Variants in COL11A1 observed in about 807,000 individuals in gnomAD.
The protein encoded by COL11A1 is collagen alpha-1(XI) chain.
In COL11A1, 74 loss-of-function variants were observed where a neutral mutation model predicts 265.2. That is an observed-to-expected ratio of 0.28 (90% CI 0.23 to 0.34). The LOEUF (loss-of-function observed/expected upper bound fraction) is 0.34, where lower values mean the gene tolerates loss of function less well. COL11A1 is among the 10% of genes least tolerant of loss of function. The probability of loss-of-function intolerance (pLI) is 1.00; values close to 1 mark genes in which losing one functional copy is unlikely to be tolerated. For synonymous variants in COL11A1, 816 were observed against 727.6 expected (o/e 1.12, Z -1.96); for missense variants, 2,165 against 2,263.6 (o/e 0.96, Z 0.88).
chr1:103,001,605 G>T, intron 24 of COL11A1: 1 of 456,224 alleles, frequency 2.2e-6, no homozygotes. Flanking sequence ...TTACTTTTTT[G>T]TAAAATAATG....
intron 42 of COL11A1, 91 bp downstream of exon 42, chr1:102,946,758 G>T (rs917418711): frequency 1.0e-6 from 1 of 966,390 alleles, no homozygotes; most frequent in Non-Finnish European, 1.6e-6. Flanking sequence ...GAGAGAATAC[G>T]GTGGTGTATG....
At chr1:102,916,552 A>T (rs1344619548) in intron 49 of COL11A1, among the ~76,000 whole-genome samples, 1 of 152,064 alleles carries the variant, frequency 6.6e-6, no homozygotes, top group African/African-American at 2.4e-5. Flanking sequence ...TTACTTTTTA[A>T]CTCTAATATT....
At chr1:103,047,598 C>T (rs1669401685) in intron 4 of COL11A1, among the ~76,000 whole-genome samples, 1 of 152,130 alleles carries the variant, frequency 6.6e-6, no homozygotes. Context: ...CCTTTATTTC[C>T]TTCTCCTGCC....
chr1:102,956,683 T>C (rs1373916223), intron 41 of COL11A1, among the ~76,000 whole-genome samples: 2 of 151,762 alleles, frequency 1.3e-5, no homozygotes, highest in South Asian at 2.1e-4. Context: ...TCTTGCCCAG[T>C]ATTTAAAAAT....
At chr1:102,911,098 T>C (rs553511438) in intron 54 of COL11A1, among the ~76,000 whole-genome samples, 197 of 152,244 alleles carry the variant, frequency 1.3e-3, no homozygotes, top group Non-Finnish European at 2.0e-3. Flanking sequence ...CCATGGTTGT[T>C]TGGGGATAAA....
At chr1:103,030,453 TA>T (rs1423742311) in intron 5 of COL11A1, among the ~76,000 whole-genome samples, 1 of 151,928 alleles carries the variant, frequency 6.6e-6, no homozygotes, top group Non-Finnish European at 1.5e-5. Flanking sequence ...ATAGTACATT[TA>T]AAAGGGAAGA....
intron 50 of COL11A1, among the ~76,000 whole-genome samples, chr1:102,915,160 T>A (rs1374898492): frequency 6.6e-6 from 1 of 152,126 alleles, no homozygotes; most frequent in African/African-American, 2.4e-5. Flanking sequence ...CTTTAAGAAG[T>A]CCAATGGTAT....
intron 5 of COL11A1, among the ~76,000 whole-genome samples, chr1:103,030,556 C>CAAA (rs35873874): frequency 4.0e-4 from 57 of 143,182 alleles, no homozygotes; most frequent in African/African-American, 1.1e-3. Flanking sequence ...ATTCAAAATC[C>CAAA]AAAAAAAAAA....
intron 42 of COL11A1, among the ~76,000 whole-genome samples, chr1:102,942,846 C>T (rs1658874409): frequency 6.6e-6 from 1 of 152,066 alleles, no homozygotes; most frequent in South Asian, 2.1e-4. Context: ...CAACTTATCA[C>T]AATTCTGAAA....
chr1:103,052,141 G>A (rs527383172), intron 4 of COL11A1, among the ~76,000 whole-genome samples: 7 of 92,176 alleles, frequency 7.6e-5, no homozygotes, highest in Non-Finnish European at 1.9e-4. Context: ...TTCTGCTATG[G>A]CCTTGTCTCT....
intron 54 of COL11A1, among the ~76,000 whole-genome samples, chr1:102,899,911 A>G (rs1047065770): frequency 6.6e-6 from 1 of 152,062 alleles, no homozygotes; most frequent in Admixed American, 6.6e-5. Flanking sequence ...TTTTAAACTG[A>G]GTATCAATAG....
intron 4 of COL11A1, among the ~76,000 whole-genome samples, chr1:103,068,737 A>G (rs1671343399): frequency 6.6e-6 from 1 of 151,500 alleles, no homozygotes; most frequent in African/African-American, 2.4e-5. Flanking sequence ...TAACAAGGCT[A>G]TAGGATACAA....
At chr1:102,992,523 T>G (rs1232195079) in intron 28 of COL11A1, among the ~76,000 whole-genome samples, 1 of 152,016 alleles carries the variant, frequency 6.6e-6, no homozygotes, top group African/African-American at 2.4e-5. Context: ...TCAATTATCT[T>G]GCATACTCAG....
intron 35 of COL11A1, among the ~76,000 whole-genome samples, chr1:102,976,634 A>T (rs948026942): frequency 6.6e-6 from 1 of 152,052 alleles, no homozygotes; most frequent in African/African-American, 2.4e-5. Flanking sequence ...AATAGTTTCC[A>T]GGTGGGATTT....
intron 28 of COL11A1, among the ~76,000 whole-genome samples, chr1:102,990,729 T>C (rs1328324966): frequency 6.6e-6 from 1 of 150,984 alleles, no homozygotes; most frequent in Non-Finnish European, 1.5e-5. Context: ...GGTTTTTGTT[T>C]TACCAGTAAA....
chr1:103,018,404 G>A lies in COL11A1; in HGVS notation c.1350+414C>T, dbSNP rs756562044. ...AGAATAAACACACTGAGTAACATCA[G>A]CCTTATCAGGATACCACAATGGAAT... On this transcript the variant is annotated intron_variant, in intron 10 of 66. Transcript: ENST00000370096. Among the ~76,000 whole-genome samples the A allele has an allele frequency of 2.0e-5, 3 of 152,148 alleles. No homozygotes were observed. In the East Asian group the frequency reaches 5.8e-4, roughly 29 times the overall value.
chr1:102,901,614 C>G (rs151147919), intron 54 of COL11A1, among the ~76,000 whole-genome samples: 1 of 152,294 alleles, frequency 6.6e-6, no homozygotes, highest in Admixed American at 6.5e-5. Context: ...ATCTGGTGAG[C>G]TCTTGCTGCA....
chr1:102,881,828 TA>T, intron 64 of COL11A1, 63 bp from the exon 65 acceptor site: 1 of 1,150,970 alleles, frequency 8.7e-7, no homozygotes, highest in Non-Finnish European at 1.3e-6. Flanking sequence ...ACAGTATTTT[TA>T]TATACATATA....
At chr1:103,048,401 A>G (rs2102107976) in intron 4 of COL11A1, among the ~76,000 whole-genome samples, 1 of 152,228 alleles carries the variant, frequency 6.6e-6, no homozygotes, top group South Asian at 2.1e-4. Flanking sequence ...AGAGGTGTTT[A>G]TAGTATTTTC....
Sources: gnomAD v4.1 joint callset for allele counts (sites outside exome capture counted in the v4.1 genomes callset) on GRCh38, gnomAD v4.1.1 for gene constraint, MANE v1.5 for transcripts, NCBI Gene and HGNC (gene_info 2026-07-23, HGNC 2026-07-21) for gene names.